ZNF521: variants seen among roughly 807,000 people sequenced by gnomAD.
ZNF521 encodes LYST-interacting protein 3.
In ZNF521, 14 loss-of-function variants were observed where a neutral mutation model predicts 105.5. The observed-to-expected ratio is 0.13, with a 90% confidence interval of 0.09 to 0.21. The LOEUF (loss-of-function observed/expected upper bound fraction) is 0.21, where lower values mean the gene tolerates loss of function less well. Ranked by LOEUF, ZNF521 falls within the 10% of genes least tolerant of loss-of-function variation. The pLI is 1.00. For synonymous variants in ZNF521, 635 were observed against 606.0 expected, an observed-to-expected ratio of 1.05 and a Z score of -0.70; for missense variants, 1,233 against 1,629.7, an observed-to-expected ratio of 0.76 and a Z score of 4.19.
intron 3 of ZNF521, among the ~76,000 whole-genome samples, chr18:25,269,354 C>T (rs951187456): frequency 6.6e-6 from 1 of 152,136 alleles, no homozygotes; most frequent in South Asian, 2.1e-4. Flanking sequence ...ACTTTATTGA[C>T]CCCACTGTCA....
At chr18:25,207,428 C>T (rs1028267892) in intron 4 of ZNF521, among the ~76,000 whole-genome samples, 2 of 152,206 alleles carry the variant, frequency 1.3e-5, no homozygotes, top group Non-Finnish European at 2.9e-5. Context: ...GACTCTCCAG[C>T]ACCGCCTCTC....
chr18:25,155,999 T>C (rs2035136896), intron 5 of ZNF521, among the ~76,000 whole-genome samples: 1 of 152,134 alleles, frequency 6.6e-6, no homozygotes, highest in South Asian at 2.1e-4. Context: ...AAAGCAAATA[T>C]GTAGGAAGAA....
intron 2 of ZNF521, among the ~76,000 whole-genome samples, chr18:25,334,071 A>G (rs1913741817): frequency 6.6e-6 from 1 of 152,078 alleles, no homozygotes; most frequent in Non-Finnish European, 1.5e-5. Flanking sequence ...ACACTCCAGC[A>G]CCCCCTTGCC....
chr18:25,286,685 A>G (rs1192761099), intron 3 of ZNF521, among the ~76,000 whole-genome samples: 2 of 152,214 alleles, frequency 1.3e-5, no homozygotes, highest in African/African-American at 4.8e-5. Flanking sequence ...GAAGCTGAGT[A>G]ACAACTAAAC....
chr18:25,263,392 T>C (rs1276053844), intron 3 of ZNF521, among the ~76,000 whole-genome samples: 2 of 152,002 alleles, frequency 1.3e-5, no homozygotes, highest in East Asian at 3.9e-4. Context: ...AGTTTCACTC[T>C]TGTCGCCCAG....
rs868068708 is a variant in ZNF521 at position 25,097,424 on chromosome 18, C to T, written c.3659-5343G>A. ...TTGAGAGAATTGCATATTGTGGGAA[C>T]GTTTTTTCTCATACCAGTTAAAAAG... On this transcript the variant is annotated intron_variant, in intron 5 of 7. Transcript: ENST00000361524. Among the ~76,000 whole-genome samples, 9 of 152,140 alleles carry T rather than the reference C, an allele frequency of 5.9e-5. No individual in the cohort carries two copies. The South Asian group carries it at 8.3e-4, about 14-fold the overall frequency.
chr18:25,101,343 G>T (rs143410471), intron 5 of ZNF521, among the ~76,000 whole-genome samples: 98 of 152,172 alleles, frequency 6.4e-4, no homozygotes, highest in African/African-American at 2.3e-3. Flanking sequence ...GGGTATCCTA[G>T]AATCAATCCC....
chr18:25,276,748 A>G (rs1172201077), intron 3 of ZNF521, among the ~76,000 whole-genome samples: 1 of 152,232 alleles, frequency 6.6e-6, no homozygotes, highest in African/African-American at 2.4e-5. Flanking sequence ...TCTATTTTGT[A>G]TCTGTGAAGA....
At chr18:25,262,922 T>G (rs1409138743) in intron 3 of ZNF521, among the ~76,000 whole-genome samples, 1 of 152,194 alleles carries the variant, frequency 6.6e-6, no homozygotes, top group Non-Finnish European at 1.5e-5. Flanking sequence ...AACAGCTTTG[T>G]CCATTGCAAA....
intron 3 of ZNF521, among the ~76,000 whole-genome samples, chr18:25,257,674 G>A (rs186705423): frequency 3.3e-5 from 5 of 152,164 alleles, no homozygotes; most frequent in African/African-American, 7.2e-5. Flanking sequence ...TCCTGTACTC[G>A]CAGGTCATGA....
chr18:25,083,865 G>A (rs908607202), intron 7 of ZNF521, among the ~76,000 whole-genome samples: 3 of 150,434 alleles, frequency 2.0e-5, no homozygotes, highest in Non-Finnish European at 1.5e-5. Context: ...AACCTCCCCA[G>A]GTTCAGGTGA....
intron 5 of ZNF521, among the ~76,000 whole-genome samples, chr18:25,188,483 G>A (rs1225864886): frequency 6.6e-6 from 1 of 152,188 alleles, no homozygotes; most frequent in Non-Finnish European, 1.5e-5. Context: ...GTGTGTGCAT[G>A]GGCAAGCATG....
At chr18:25,090,783 T>C (rs769187839) in intron 6 of ZNF521, among the ~76,000 whole-genome samples, 7 of 152,220 alleles carry the variant, frequency 4.6e-5, no homozygotes, top group Non-Finnish European at 8.8e-5. Context: ...GACCCAGTCC[T>C]CCTTTATGAA....
chr18:25,119,551 T>A (rs963656052), intron 5 of ZNF521, among the ~76,000 whole-genome samples: 6 of 151,954 alleles, frequency 3.9e-5, no homozygotes, highest in Non-Finnish European at 2.9e-5. Context: ...AAATTAAAAT[T>A]AAAAAATTAA....
intron 3 of ZNF521, among the ~76,000 whole-genome samples, chr18:25,245,321 T>C (rs1035761011): frequency 3.3e-5 from 5 of 152,202 alleles, no homozygotes; most frequent in Admixed American, 2.6e-4. Context: ...TACAGGGATT[T>C]CCCATATAGC....
At chr18:25,089,267 T>C (rs1190858963) in intron 7 of ZNF521, among the ~76,000 whole-genome samples, 198 bp downstream of exon 7, 1 of 152,232 alleles carries the variant, frequency 6.6e-6, no homozygotes, top group African/African-American at 2.4e-5. Flanking sequence ...TAGTTCTTTT[T>C]ATGATTGACA....
At chr18:25,283,667 A>T (rs1910516551) in intron 3 of ZNF521, among the ~76,000 whole-genome samples, 1 of 152,356 alleles carries the variant, frequency 6.6e-6, no homozygotes, top group African/African-American at 2.4e-5. Flanking sequence ...AAAATAGAAA[A>T]TAATGTGCTG....
chr18:25,188,358 T>C (rs1336215290), intron 5 of ZNF521, among the ~76,000 whole-genome samples: 1 of 152,200 alleles, frequency 6.6e-6, no homozygotes, highest in Non-Finnish European at 1.5e-5. Context: ...CCCTTTCCTT[T>C]GTTTACTGCT....
chr18:25,262,599 G>C (rs989537216), intron 3 of ZNF521, among the ~76,000 whole-genome samples: 6 of 152,164 alleles, frequency 3.9e-5, no homozygotes, highest in Non-Finnish European at 8.8e-5. Flanking sequence ...CTGCCCTCAT[G>C]AAACTCATGG....
Sources: allele counts gnomAD v4.1 joint callset (sites outside exome capture counted in the v4.1 genomes callset), GRCh38; gene constraint gnomAD v4.1.1; transcripts MANE v1.5; gene names NCBI Gene and HGNC (gene_info 2026-07-23, HGNC 2026-07-21).